The following RGPD8 variants were observed in gnomAD, a reference collection of about 807,000 sequenced individuals.
The protein encoded by RGPD8 is RANBP2-like and GRIP domain-containing protein 8.
Under a neutral mutation model 89.1 loss-of-function variants are expected in RGPD8, and 15 were observed. That is an observed-to-expected ratio of 0.17 (90% CI 0.11 to 0.26). The LOEUF (loss-of-function observed/expected upper bound fraction) is 0.26. RGPD8 is among the 10% of genes least tolerant of loss of function. RGPD8 has a pLI of 1.00. For synonymous variants in RGPD8, 62 were observed against 420.9 expected, an observed-to-expected ratio of 0.15 and a Z score of 10.44; for missense variants, 178 against 1,179.6, an observed-to-expected ratio of 0.15 and a Z score of 12.44.
At chr2:112,425,442 C>T (rs1046166975) in intron 1 of RGPD8, among the ~76,000 whole-genome samples, 6 of 152,044 alleles carry the variant, frequency 3.9e-5, no homozygotes, top group South Asian at 2.1e-4. Flanking sequence ...TCCTTGGTTA[C>T]ATAAACTCCA....
intron 1 of RGPD8, among the ~76,000 whole-genome samples, chr2:112,426,918 C>A (rs1424649360): frequency 6.6e-6 from 1 of 150,808 alleles, no homozygotes; most frequent in East Asian, 2.0e-4. Context: ...CTCTGCGTCC[C>A]GGGTACAAGC....
chr2:112,374,924 A>C (rs1429717607), intron 22 of RGPD8, among the ~76,000 whole-genome samples: 1 of 129,910 alleles, frequency 7.7e-6, no homozygotes, highest in Non-Finnish European at 1.6e-5. Context: ...GTGCAATGGC[A>C]CCATCTCGGC....
At chr2:112,432,029 T>G (rs1191034778) in intron 1 of RGPD8, among the ~76,000 whole-genome samples, 3 of 152,182 alleles carry the variant, frequency 2.0e-5, no homozygotes, top group African/African-American at 4.8e-5. Context: ...TTAAAATGGA[T>G]CATCCTATCA....
chr2:112,402,533 G>A (rs1678908387), intron 9 of RGPD8, among the ~76,000 whole-genome samples: 1 of 150,750 alleles, frequency 6.6e-6, no homozygotes, highest in African/African-American at 2.4e-5. Context: ...GAAAAGAAAA[G>A]GTTATGCGCT....
chr2:112,381,903 T>C (rs1379880232), intron 20 of RGPD8, among the ~76,000 whole-genome samples: 4 of 152,426 alleles, frequency 2.6e-5, no homozygotes, highest in South Asian at 2.1e-4. Context: ...ATACTGGGTG[T>C]CAACTTGATT....
At chr2:112,370,451 C>T (rs1188489721) in intron 22 of RGPD8, among the ~76,000 whole-genome samples, 5 of 104,360 alleles carry the variant, frequency 4.8e-5, no homozygotes, top group Non-Finnish European at 8.7e-5. Flanking sequence ...GACTTCAATG[C>T]AGCCTTGATC....
intron 1 of RGPD8, among the ~76,000 whole-genome samples, chr2:112,431,876 G>A (rs1360878860): frequency 6.6e-6 from 1 of 152,202 alleles, no homozygotes; most frequent in Non-Finnish European, 1.5e-5. Context: ...CTGACCTCAG[G>A]CAATCCGCCC....
intron 22 of RGPD8, among the ~76,000 whole-genome samples, chr2:112,370,504 C>G (rs1677934515): frequency 8.2e-6 from 1 of 121,962 alleles, no homozygotes; most frequent in Non-Finnish European, 1.7e-5. Flanking sequence ...TCCCAAGCAA[C>G]TGGGACCACA....
rs1678877817 is a variant in RGPD8, at chr2:112,400,068, G to A, written c.1885C>T (p.Leu629=). ...TCTACACTATGAAAATGTTTAAACA[G>A]AGGATCAATAGGTTCAGGAATACTG... The part of the protein sequence containing the change: ...KNSIPEPIDP[L]FKHFHSVDIQ... Residue 629 remains leucine, a synonymous_variant, in exon 13 of 23, where the codon CTG becomes TTG. Transcript: ENST00000302558. 1 of 292,268 alleles carries A rather than the reference G, an allele frequency of 3.4e-6. No individual in the cohort carries two copies. Among genetic ancestry groups the A allele is most frequent in the Non-Finnish European group, 5.8e-6 (1 of 172,542 alleles). 18.1% of individuals were successfully genotyped at this position (292,268 alleles called of 1,614,324 possible). A position where few individuals can be genotyped will look rare whatever the true frequency, so the allele number is the denominator to read the frequency against.
At position 112,429,433 on chromosome 2, in the gene RGPD8, A is replaced by AAAAAG. The variant is rs1558992360; in HGVS notation, c.72+3944_72+3948dup. On this transcript the variant is annotated intron_variant, in intron 1 of 22. Coordinates refer to ENST00000302558, the MANE Select transcript of RGPD8 (RefSeq NM_001164463.1). ...TCCGTCTCAAAAAAAAAAAAAAAAA[A>AAAAAG]AAAAGAAAAGAAAAGAAAATGTCTA... Among the ~76,000 whole-genome samples, 52 of 148,940 alleles carry AAAAAG rather than the reference A, an allele frequency of 3.5e-4. 1 individual carries two copies. Among genetic ancestry groups the AAAAAG allele is most frequent in the South Asian group, 6.3e-4 (3 of 4,744 alleles).
chr2:112,426,313 C>A lies in RGPD8; in HGVS notation c.73-2006G>T, dbSNP rs533760387. Among the ~76,000 whole-genome samples the A allele has an allele frequency of 1.6e-4, 25 of 152,058 alleles. No individual in the cohort carries two copies. In the East Asian group the frequency reaches 4.6e-3, roughly 28 times the overall value. ...ACTGAGGTGGCTAGTATGTAACTAG[C>A]GGGTGGGGAGCACATACAGCATGAA... On this transcript the variant is annotated intron_variant, in intron 1 of 22. Transcript: ENST00000302558.
intron 1 of RGPD8, among the ~76,000 whole-genome samples, chr2:112,427,457 T>G (rs886982525): frequency 3.3e-5 from 5 of 152,056 alleles, no homozygotes; most frequent in African/African-American, 1.2e-4. Flanking sequence ...ACAGCAGATG[T>G]CACTATAAGC....
chr2:112,415,722 A>C (rs1483398089), intron 6 of RGPD8, among the ~76,000 whole-genome samples: 1 of 146,934 alleles, frequency 6.8e-6, no homozygotes, highest in East Asian at 2.0e-4. Context: ...CAAAAAAAAA[A>C]AAAAAAAAAA....
At chr2:112,429,182 A>G (rs1049527310) in intron 1 of RGPD8, among the ~76,000 whole-genome samples, 5 of 151,846 alleles carry the variant, frequency 3.3e-5, no homozygotes, top group Non-Finnish European at 5.9e-5. Context: ...GCACTTTGGG[A>G]GGCTGAGGCG....
intron 2 of RGPD8, among the ~76,000 whole-genome samples, chr2:112,423,410 C>A (rs1337475348): frequency 2.5e-5 from 1 of 40,328 alleles, no homozygotes; most frequent in Non-Finnish European, 5.1e-5. Context: ...CTTTAAAAGC[C>A]TGCCTCCCAG....
At chr2:112,428,126 A>G (rs1278833711) in intron 1 of RGPD8, among the ~76,000 whole-genome samples, 2 of 152,312 alleles carry the variant, frequency 1.3e-5, no homozygotes, top group Non-Finnish European at 2.9e-5. Flanking sequence ...CAGAACTTCT[A>G]GAAAATGGAG....
At chr2:112,425,151 G>C (rs965131423) in intron 1 of RGPD8, among the ~76,000 whole-genome samples, 1 of 152,050 alleles carries the variant, frequency 6.6e-6, no homozygotes, top group Non-Finnish European at 1.5e-5. Context: ...ATCAGCCTTG[G>C]AAATCTCGGA....
intron 6 of RGPD8, among the ~76,000 whole-genome samples, chr2:112,416,858 TA>T (rs1232139594): frequency 7.7e-6 from 1 of 129,764 alleles, no homozygotes; most frequent in Non-Finnish European, 1.6e-5. Context: ...TAATTTTCAC[TA>T]AAGATTATAC....
At position 112,370,071 on chromosome 2, in the gene RGPD8, A is replaced by G. The variant is rs1677903464; in HGVS notation, c.*107T>C. 1.4e-6 allele frequency: 1 copy of G among 707,226 alleles called. No individual in the cohort carries two copies. Among genetic ancestry groups the G allele is most frequent in the Admixed American group, 3.0e-5 (1 of 33,854 alleles). The allele number at this position is 707,226 out of a possible 1,614,324, so 43.8% of individuals were successfully genotyped here. A position where few individuals can be genotyped will look rare whatever the true frequency, so the allele number is the denominator to read the frequency against. On this transcript the variant is annotated 3_prime_UTR_variant, in exon 23 of 23. Transcript: ENST00000302558. ...TATACACACTTTTTGACAAAAGAAT[A>G]ATGGTAACACACACGAACCATTTTT...
Sources: gnomAD v4.1 joint callset for allele counts (sites outside exome capture counted in the v4.1 genomes callset) on GRCh38, gnomAD v4.1.1 for gene constraint, MANE v1.5 for transcripts, NCBI Gene and HGNC (gene_info 2026-07-23, HGNC 2026-07-21) for gene names.